DGKI: variants seen among roughly 807,000 people sequenced by gnomAD.
DGKI encodes the protein DAG kinase iota.
A neutral mutation model predicts 147.5 loss-of-function variants in DGKI; 55 were observed. The ratio of observed to expected loss-of-function variants is 0.37; its 90% CI spans 0.30 to 0.47. The LOEUF is 0.47. Among genes scored for constraint, DGKI ranks in the 20% least tolerant of loss-of-function variants. The pLI, the probability that DGKI is intolerant of heterozygous loss-of-function variation, is 1.00. For synonymous variants in DGKI, 469 were observed against 477.1 expected (o/e 0.98, Z 0.22); for missense variants, 1,007 against 1,323.8 (o/e 0.76, Z 3.71).
chr7:137,433,960 A>G (rs1313640195), intron 28 of DGKI, among the ~76,000 whole-genome samples: 3 of 151,956 alleles, frequency 2.0e-5, no homozygotes, highest in Non-Finnish European at 4.4e-5. Flanking sequence ...TCTAGTAAAA[A>G]ACACAAAAAT....
At chr7:137,461,504 A>C (rs190447141) in intron 27 of DGKI, among the ~76,000 whole-genome samples, 13 of 152,316 alleles carry the variant, frequency 8.5e-5, no homozygotes, top group African/African-American at 3.1e-4. Context: ...TGGACATAAT[A>C]ATTTTAAAAG....
At chr7:137,563,865 C>A (rs1818496619) in intron 19 of DGKI, among the ~76,000 whole-genome samples, 1 of 151,960 alleles carries the variant, frequency 6.6e-6, no homozygotes, top group Non-Finnish European at 1.5e-5. Flanking sequence ...CCAATTCCTC[C>A]CCAAATTATC....
intron 21 of DGKI, chr7:137,513,744 A>G: frequency 4.1e-6 from 2 of 482,698 alleles, no homozygotes; most frequent in Non-Finnish European, 7.9e-6. Flanking sequence ...AGGCAATTGT[A>G]ACACAATGGC....
At chr7:137,445,732 C>T (rs1244677847) in intron 27 of DGKI, among the ~76,000 whole-genome samples, 1 of 152,150 alleles carries the variant, frequency 6.6e-6, no homozygotes, top group Non-Finnish European at 1.5e-5. Context: ...AGCTTGCCTG[C>T]TCCTAGGCCA....
rs1356340793 is a variant in DGKI at position 137,472,249 on chromosome 7, CACATA to C, written c.2374-2635_2374-2631del. Among the ~76,000 whole-genome samples the C allele has an allele frequency of 3.1e-3, 303 of 98,920 alleles. 2 individuals carry two copies. The highest frequency in any genetic ancestry group is 0.013 in the African/African-American group (287 of 22,820). The allele number at this position is 98,920 out of a possible 152,430, so 64.9% of individuals were successfully genotyped here. A position where few individuals can be genotyped will look rare whatever the true frequency, so the allele number is the denominator to read the frequency against. ...TATACATATAATATATGTATATATA[CACATA>C]ATATTATATGTATATATACATATAA... On this transcript the variant is annotated intron_variant, in intron 23 of 32. Transcript: ENST00000614521.
chr7:137,824,234 T>G (rs1337265543), intron 1 of DGKI, among the ~76,000 whole-genome samples: 1 of 152,160 alleles, frequency 6.6e-6, no homozygotes, highest in East Asian at 1.9e-4. Flanking sequence ...ATGGAACTAT[T>G]GGCCAGGTGC....
chr7:137,754,477 T>C (rs145007305), intron 1 of DGKI, among the ~76,000 whole-genome samples: 1 of 152,288 alleles, frequency 6.6e-6, no homozygotes, highest in East Asian at 1.9e-4. Flanking sequence ...CACCAACCTG[T>C]CTGCAATCAT....
At chr7:137,440,211 A>G (rs955759130) in intron 28 of DGKI, among the ~76,000 whole-genome samples, 17 of 152,232 alleles carry the variant, frequency 1.1e-4, no homozygotes, top group African/African-American at 4.1e-4. Context: ...CTTATCTTCT[A>G]ACAAGGAGTA....
intron 1 of DGKI, among the ~76,000 whole-genome samples, chr7:137,793,229 G>GA (rs1383175185): frequency 1.3e-5 from 2 of 151,302 alleles, no homozygotes; most frequent in African/African-American, 2.4e-5. Flanking sequence ...TCTAGATAAC[G>GA]AAAAAAAGCC....
intron 26 of DGKI, 148 bp downstream of exon 26, chr7:137,465,760 C>A: frequency 7.3e-6 from 8 of 1,096,450 alleles, no homozygotes; most frequent in South Asian, 1.8e-5. Flanking sequence ...ATAAGACAGA[C>A]TTATAATAAC....
chr7:137,416,396 G>A (rs1017381118), intron 28 of DGKI, among the ~76,000 whole-genome samples: 2 of 152,114 alleles, frequency 1.3e-5, no homozygotes, highest in Non-Finnish European at 2.9e-5. Flanking sequence ...AAAAATCCTC[G>A]CAAGATGAAG....
intron 28 of DGKI, among the ~76,000 whole-genome samples, chr7:137,418,978 C>T (rs1365621502): frequency 6.6e-6 from 1 of 152,142 alleles, no homozygotes; most frequent in Non-Finnish European, 1.5e-5. Flanking sequence ...CCTTTCATTT[C>T]ATAGATGAGG....
chr7:137,605,394 G>T (rs914466816), intron 10 of DGKI, among the ~76,000 whole-genome samples: 1 of 145,266 alleles, frequency 6.9e-6, no homozygotes, highest in African/African-American at 2.6e-5. Context: ...TTGAAATTTT[G>T]GTCCCTGATT....
intron 4 of DGKI, among the ~76,000 whole-genome samples, chr7:137,656,237 C>T (rs959074712): frequency 2.0e-5 from 3 of 152,172 alleles, no homozygotes; most frequent in African/African-American, 7.2e-5. Flanking sequence ...TGTGTTCTTC[C>T]TTTTCCCAAG....
intron 23 of DGKI, among the ~76,000 whole-genome samples, chr7:137,477,908 A>G (rs1815231822): frequency 6.6e-6 from 1 of 152,186 alleles, no homozygotes; most frequent in Non-Finnish European, 1.5e-5. Context: ...CGATCTGCCC[A>G]TGATGGCCTC....
intron 6 of DGKI, among the ~76,000 whole-genome samples, chr7:137,641,666 C>G (rs1821630544): frequency 6.6e-6 from 1 of 152,136 alleles, no homozygotes; most frequent in South Asian, 2.1e-4. Flanking sequence ...AAATCTAAAT[C>G]CAAAAAACTT....
At chr7:137,422,049 C>T (rs1396328442) in intron 28 of DGKI, among the ~76,000 whole-genome samples, 1 of 152,206 alleles carries the variant, frequency 6.6e-6, no homozygotes, top group Non-Finnish European at 1.5e-5. Flanking sequence ...GCAACTATCT[C>T]ATGAGATCAG....
At chr7:137,678,470 A>T in intron 3 of DGKI, 87 bp downstream of exon 3, 1 of 1,310,214 alleles carries the variant, frequency 7.6e-7, no homozygotes, top group Non-Finnish European at 1.1e-6. Context: ...GCTCGTTCAA[A>T]CCTCCCCTTG....
intron 1 of DGKI, among the ~76,000 whole-genome samples, chr7:137,778,037 C>G (rs193188760): frequency 6.6e-6 from 1 of 152,298 alleles, no homozygotes; most frequent in Admixed American, 6.5e-5. Context: ...GCGTACACAG[C>G]TCACAGTGTA....
Sources: gnomAD v4.1 joint callset for allele counts (sites outside exome capture counted in the v4.1 genomes callset) on GRCh38, gnomAD v4.1.1 for gene constraint, MANE v1.5 for transcripts, NCBI Gene and HGNC (gene_info 2026-07-23, HGNC 2026-07-21) for gene names.